NECAB1: variants seen among roughly 807,000 people sequenced by gnomAD.
NECAB1 encodes N-terminal EF-hand calcium binding protein 1, also known as N-terminal EF-hand calcium-binding protein 1.
A neutral mutation model predicts 57.5 loss-of-function variants in NECAB1; 29 were observed. The observed-to-expected ratio is 0.50, with a 90% CI of 0.38 to 0.69. The LOEUF is 0.69. Among genes scored for constraint, NECAB1 ranks in the 30% least tolerant of loss-of-function variants. The probability of loss-of-function intolerance (pLI) is 0.00; values close to 1 mark genes in which losing one functional copy is unlikely to be tolerated. For missense variants in NECAB1, 372 were observed against 413.8 expected, an observed-to-expected ratio of 0.90 and a Z score of 0.88; for synonymous variants, 142 against 147.7, an observed-to-expected ratio of 0.96 and a Z score of 0.28.
chr8:90,895,263 C>T (rs1011254), intron 5 of NECAB1, among the ~76,000 whole-genome samples: 42,421 of 152,080 alleles, frequency 0.28, 6,725 homozygotes, highest in East Asian at 0.6. Flanking sequence ...TCCTACAACA[C>T]TCTTGGAAGC....
chr8:90,803,433 C>T lies in NECAB1; in HGVS notation c.124+1718C>T, dbSNP rs1347615223. On this transcript the variant is annotated intron_variant, in intron 2 of 12. Coordinates refer to ENST00000417640, the MANE Select transcript of NECAB1 (RefSeq NM_022351.5). ...CAGGCTATACTTTCATTTCCTAGAC[C>T]CCAAAGCTCTGATTTAGGTCCACCC... 2.6e-5 allele frequency among the ~76,000 whole-genome samples: 4 copies of T among 152,138 alleles called. No homozygotes were observed. In the South Asian group the frequency reaches 8.3e-4, roughly 32 times the overall value.
intron 3 of NECAB1, among the ~76,000 whole-genome samples, chr8:90,855,767 G>A (rs887081453): frequency 6.6e-6 from 1 of 152,158 alleles, no homozygotes; most frequent in African/African-American, 2.4e-5. Context: ...GTGAATCCAT[G>A]GCTTAACTTG....
At chr8:90,817,894 T>C (rs1172686496) in intron 2 of NECAB1, among the ~76,000 whole-genome samples, 1 of 151,904 alleles carries the variant, frequency 6.6e-6, no homozygotes, top group African/African-American at 2.4e-5. Flanking sequence ...TATCATTTGT[T>C]GCTTACATGC....
intron 3 of NECAB1, among the ~76,000 whole-genome samples, chr8:90,852,587 C>A (rs1812705421): frequency 6.6e-6 from 1 of 152,140 alleles, no homozygotes. Flanking sequence ...CCCACCCTGC[C>A]CTCCATCCTC....
intron 2 of NECAB1, among the ~76,000 whole-genome samples, chr8:90,806,059 A>G (rs1419003135): frequency 6.6e-6 from 1 of 152,198 alleles, no homozygotes; most frequent in Admixed American, 6.5e-5. Flanking sequence ...GTGGGGGGCA[A>G]GAATAGCTTT....
intron 9 of NECAB1, among the ~76,000 whole-genome samples, chr8:90,938,745 G>A (rs1006458495): frequency 5.9e-5 from 9 of 152,142 alleles, no homozygotes; most frequent in African/African-American, 2.2e-4. Flanking sequence ...GAAGCCGAGA[G>A]CTCAATTTTT....
intron 3 of NECAB1, among the ~76,000 whole-genome samples, chr8:90,825,778 T>G (rs561619126): frequency 6.6e-6 from 1 of 152,048 alleles, no homozygotes; most frequent in South Asian, 2.1e-4. Flanking sequence ...GTTTCTTGAC[T>G]TCATTGGGGT....
intron 3 of NECAB1, among the ~76,000 whole-genome samples, chr8:90,867,026 GAT>G (rs941985261): frequency 2.6e-5 from 4 of 152,124 alleles, no homozygotes; most frequent in African/African-American, 9.7e-5. Context: ...TAATAGACTG[GAT>G]AAAGAAAACG....
In NECAB1 at chr8:90,946,475, G is replaced by A. The variant is rs183972366; in HGVS notation, c.861-3332G>A. On this transcript the variant is annotated intron_variant, in intron 10 of 12. Transcript: ENST00000417640. The stretch of plus-strand genomic sequence containing the variant: ...CACAAAGATGACAACAGCACCTTCC[G>A]GTATCAAATAGGAATGCTTGCAACT... Among the ~76,000 whole-genome samples, 26 of 152,272 alleles carry A rather than the reference G, an allele frequency of 1.7e-4. No homozygotes were observed. In the South Asian group the frequency reaches 4.6e-3, roughly 27 times the overall value.
intron 3 of NECAB1, among the ~76,000 whole-genome samples, chr8:90,858,687 G>C (rs2931246): frequency 2.9e-3 from 432 of 150,378 alleles, no homozygotes; most frequent in African/African-American, 0.01. Context: ...AACTTCTCTA[G>C]ATTCCGAAGA....
At chr8:90,938,512 G>A (rs981159852) in intron 9 of NECAB1, among the ~76,000 whole-genome samples, 11 of 152,208 alleles carry the variant, frequency 7.2e-5, no homozygotes, top group Admixed American at 5.2e-4. Context: ...AATTTGTTTC[G>A]GCCTAGCCGG....
chr8:90,862,015 T>G (rs915585505), intron 3 of NECAB1, among the ~76,000 whole-genome samples: 16 of 152,200 alleles, frequency 1.1e-4, no homozygotes, highest in African/African-American at 3.6e-4. Flanking sequence ...TACAGTACTC[T>G]TTTCCGTATC....
intron 10 of NECAB1, among the ~76,000 whole-genome samples, chr8:90,949,424 C>T (rs2130269530): frequency 6.6e-6 from 1 of 152,216 alleles, no homozygotes; most frequent in South Asian, 2.1e-4. Flanking sequence ...CTAACAGCTA[C>T]ATTTGAGGGC....
chr8:90,879,272 T>C (rs1391611311), intron 4 of NECAB1, among the ~76,000 whole-genome samples: 20 of 148,420 alleles, frequency 1.3e-4, no homozygotes, highest in African/African-American at 4.2e-4. Context: ...CACTGCAGCC[T>C]CGACTTCCCA....
At chr8:90,868,657 G>T (rs765071025) in intron 3 of NECAB1, among the ~76,000 whole-genome samples, 2 of 152,304 alleles carry the variant, frequency 1.3e-5, no homozygotes, top group Non-Finnish European at 2.9e-5. Flanking sequence ...ATGTGGCCTG[G>T]TTGCTTCGAA....
chr8:90,836,422 G>T (rs757610452), intron 3 of NECAB1, among the ~76,000 whole-genome samples: 1 of 151,986 alleles, frequency 6.6e-6, no homozygotes, highest in Admixed American at 6.6e-5. Context: ...TTCACTAATG[G>T]GTTTAATAGT....
intron 9 of NECAB1, among the ~76,000 whole-genome samples, chr8:90,939,548 G>A (rs1810620206): frequency 6.6e-6 from 1 of 152,132 alleles, no homozygotes; most frequent in African/African-American, 2.4e-5. Flanking sequence ...GATGGAATAG[G>A]TGGATGTATT....
chr8:90,856,805 A>C (rs952903598), intron 3 of NECAB1, among the ~76,000 whole-genome samples: 1 of 152,220 alleles, frequency 6.6e-6, no homozygotes. Context: ...GCTACCATGC[A>C]CGTATCAAGG....
intron 5 of NECAB1, among the ~76,000 whole-genome samples, chr8:90,902,509 GCT>G (rs762883717): frequency 6.6e-6 from 1 of 151,910 alleles, no homozygotes; most frequent in East Asian, 1.9e-4. Context: ...ATGCAAAGGG[GCT>G]CTCTGTCTCT....
Sources: allele counts gnomAD v4.1 joint callset (sites outside exome capture counted in the v4.1 genomes callset), GRCh38; gene constraint gnomAD v4.1.1; transcripts MANE v1.5; gene names NCBI Gene and HGNC (gene_info 2026-07-23, HGNC 2026-07-21).